The following NUSAP1 variants were observed in gnomAD, a reference collection of about 807,000 sequenced individuals.
NUSAP1 encodes the protein nucleolar and spindle-associated protein 1.
In NUSAP1, 32 loss-of-function variants were observed where a neutral mutation model predicts 52.8. That is an observed-to-expected ratio of 0.61 (90% CI 0.46 to 0.81). The LOEUF is 0.81. NUSAP1 is among the 40% of genes least tolerant of loss of function. The pLI, the probability that NUSAP1 is intolerant of heterozygous loss-of-function variation, is 0.00. For synonymous variants in NUSAP1, 195 were observed against 183.1 expected (o/e 1.06, Z -0.52); for missense variants, 499 against 522.3 (o/e 0.96, Z 0.43).
intron 6 of NUSAP1, among the ~76,000 whole-genome samples, chr15:41,363,284 TAAA>T (rs751252600): frequency 5.3e-5 from 6 of 113,994 alleles, no homozygotes; most frequent in Admixed American, 1.9e-4. Flanking sequence ...AGTCTCCATC[TAAA>T]AAAAAAAAAA....
intron 1 of NUSAP1, among the ~76,000 whole-genome samples, chr15:41,341,187 T>TC (rs1166777991): frequency 6.6e-6 from 1 of 152,120 alleles, no homozygotes; most frequent in Non-Finnish European, 1.5e-5. Flanking sequence ...TGCCTCAGCC[T>TC]CCCAAGTAGC....
At chr15:41,358,855 G>A (rs1237092380) in intron 6 of NUSAP1, among the ~76,000 whole-genome samples, 1 of 152,152 alleles carries the variant, frequency 6.6e-6, no homozygotes, top group Admixed American at 6.6e-5. Context: ...CCAACTTATG[G>A]CTGAAGCCAT....
Position 41,380,460 on chromosome 15 carries a change from T to C in NUSAP1, c.*274T>C. ...TCCTAAAATTCTGTTTCTAGATTTT[T>C]AATGTCAAGTTCCCAAGTTCCCCCT... On this transcript the variant is annotated 3_prime_UTR_variant, in exon 11 of 11. Coordinates refer to ENST00000559596, the MANE Select transcript of NUSAP1 (RefSeq NM_016359.5). The C allele has an allele frequency of 4.1e-6, 1 of 245,828 alleles. No homozygotes were observed. The highest frequency in any genetic ancestry group is 7.9e-6 in the Non-Finnish European group (1 of 126,502). 15.2% of individuals were successfully genotyped at this position (245,828 alleles called of 1,614,324 possible).
At chr15:41,344,802 A>G (rs2140565414) in intron 2 of NUSAP1, among the ~76,000 whole-genome samples, 1 of 152,158 alleles carries the variant, frequency 6.6e-6, no homozygotes, top group African/African-American at 2.4e-5. Context: ...TTAGCCGAGC[A>G]TGGATGCACA....
At chr15:41,370,762 A>AG (rs1228501034) in intron 7 of NUSAP1, among the ~76,000 whole-genome samples, 1 of 151,378 alleles carries the variant, frequency 6.6e-6, no homozygotes, top group Non-Finnish European at 1.5e-5. Flanking sequence ...AAAAAAAAAA[A>AG]AAAAAAAAAA....
At chr15:41,347,813 CA>C (rs374551463) in intron 2 of NUSAP1, among the ~76,000 whole-genome samples, 22,208 of 95,446 alleles carry the variant, frequency 0.23, 2,685 homozygotes, top group African/African-American at 0.45. Flanking sequence ...GACTCCGTCT[CA>C]AAAAAAAAAA....
chr15:41,344,215 A>C (rs2048472095), intron 2 of NUSAP1: 1 of 133,330 alleles, frequency 7.5e-6, no homozygotes, highest in Non-Finnish European at 1.6e-5. Context: ...CTCCATCTCA[A>C]AAAAAAAAAA....
chr15:41,375,999 G>T (rs547403437), intron 9 of NUSAP1, among the ~76,000 whole-genome samples, 171 bp downstream of exon 9: 1 of 152,252 alleles, frequency 6.6e-6, no homozygotes, highest in African/African-American at 2.4e-5. Flanking sequence ...CTGTTAGGTG[G>T]AGGTTGCAGT....
At chr15:41,364,154 G>T (rs961229179) in intron 6 of NUSAP1, among the ~76,000 whole-genome samples, 3 of 152,216 alleles carry the variant, frequency 2.0e-5, no homozygotes, top group South Asian at 2.1e-4. Flanking sequence ...TTAATAAACT[G>T]TATATAACGT....
chr15:41,358,053 G>T, intron 5 of NUSAP1, 96 bp from the exon 6 acceptor site: 1 of 536,260 alleles, frequency 1.9e-6, no homozygotes, highest in East Asian at 3.2e-5. Flanking sequence ...GAATGTCAGG[G>T]ATGCAAAGAA....
intron 6 of NUSAP1, among the ~76,000 whole-genome samples, chr15:41,360,226 C>T (rs1451370348): frequency 6.6e-6 from 1 of 152,078 alleles, no homozygotes; most frequent in Non-Finnish European, 1.5e-5. Context: ...GCAACCTCCA[C>T]CTCCTGGATT....
chr15:41,365,442 C>T lies in NUSAP1; in HGVS notation c.701C>T (p.Pro234Leu), dbSNP rs754266553. 4 of 1,613,028 alleles carry T rather than the reference C, an allele frequency of 2.5e-6. No individual in the cohort carries two copies. Among genetic ancestry groups the T allele is most frequent in the East Asian group, 2.2e-5 (1 of 44,854 alleles). The change falls in exon 7 of 11, where the codon CCT becomes CTT. Residue 234 changes from proline to leucine, a missense_variant. By Grantham distance (98) the Pro-to-Leu change is moderately conservative. Transcript: ENST00000559596. The stretch of plus-strand genomic sequence containing the variant: ...AAGGGAGGGGTCAGGACTCCAGTAC[C>T]TCCAAGAGGAAGACTCTCTGTGGCT... ...INKGGVRTPV[P>L]PRGRLSVAST...
chr15:41,356,162 A>G (rs1238209348), intron 5 of NUSAP1, 22 bp downstream of exon 5: 3 of 1,338,686 alleles, frequency 2.2e-6, no homozygotes, highest in African/African-American at 1.4e-5. Flanking sequence ...AGACAAAGCC[A>G]TAATAAGTAA....
chr15:41,371,629 C>T lies in NUSAP1; in HGVS notation c.951C>T (p.Gly317=), dbSNP rs1353522407. 5.6e-6 allele frequency: 9 copies of T among 1,608,984 alleles called. No homozygotes were observed. The highest frequency in any genetic ancestry group is 3.4e-5 in the Admixed American group (2 of 58,178). ...HVTVSGGTPK[G]EAVLGTHKLK... ...CCGTGTCTGGGGGCACCCCAAAAGGCGAGGCTGTGCTTGGGACACACAAAT... is the reference window on the plus strand; with the variant it reads ...CCGTGTCTGGGGGCACCCCAAAAGGTGAGGCTGTGCTTGGGACACACAAAT... Residue 317 remains glycine, a synonymous_variant, in exon 8 of 11, where the codon GGC becomes GGT. Coordinates refer to ENST00000559596, the MANE Select transcript of NUSAP1 (RefSeq NM_016359.5).
intron 2 of NUSAP1, among the ~76,000 whole-genome samples, chr15:41,344,589 G>C (rs552556328): frequency 5.3e-5 from 8 of 152,026 alleles, no homozygotes; most frequent in African/African-American, 1.9e-4. Context: ...AGTGAGCCGA[G>C]ATCATGCCAC....
At chr15:41,349,769 T>TC (rs1190208546) in intron 3 of NUSAP1, among the ~76,000 whole-genome samples, 4 of 147,882 alleles carry the variant, frequency 2.7e-5, no homozygotes, top group African/African-American at 9.8e-5. Context: ...TTCTTTTCTT[T>TC]TTTTTTTTTT....
chr15:41,337,341 C>T (rs2048196411), intron 1 of NUSAP1, among the ~76,000 whole-genome samples: 1 of 152,156 alleles, frequency 6.6e-6, no homozygotes, highest in African/African-American at 2.4e-5. Flanking sequence ...CTTTTAGCCA[C>T]CCTGCATCTA....
At chr15:41,349,580 TCTC>T (rs1305236316) in intron 3 of NUSAP1, among the ~76,000 whole-genome samples, 4 of 152,118 alleles carry the variant, frequency 2.6e-5, no homozygotes, top group Non-Finnish European at 4.4e-5. Context: ...TTGTTTAAAT[TCTC>T]CTTCCTACCT....
At chr15:41,355,967 C>CTA (rs930429325) in intron 4 of NUSAP1, 72 bp from the exon 5 acceptor site, 2 of 905,844 alleles carry the variant, frequency 2.2e-6, no homozygotes, top group African/African-American at 1.7e-5. Context: ...CGTGAGCTAC[C>CTA]GTGCCCGGCC....
Sources: allele counts gnomAD v4.1 joint callset (sites outside exome capture counted in the v4.1 genomes callset), GRCh38; gene constraint gnomAD v4.1.1; transcripts MANE v1.5; gene names NCBI Gene and HGNC (gene_info 2026-07-23, HGNC 2026-07-21).